TARBP1: variants seen among roughly 807,000 people sequenced by gnomAD.
The protein encoded by TARBP1 is tRNA guanosine 2 -O-methyltransferase TARBP1.
Under a neutral mutation model 178.6 loss-of-function variants are expected in TARBP1, and 144 were observed. The ratio of observed to expected loss-of-function variants is 0.81; its 90% CI spans 0.70 to 0.93. The LOEUF is 0.93. Among genes scored for constraint, TARBP1 ranks in the 40% least tolerant of loss-of-function variants. The probability of loss-of-function intolerance (pLI) is 0.00; values close to 1 mark genes in which losing one functional copy is unlikely to be tolerated. For synonymous variants in TARBP1, 787 were observed against 781.0 expected, an observed-to-expected ratio of 1.01 and a Z score of -0.13; for missense variants, 2,067 against 2,011.7, an observed-to-expected ratio of 1.03 and a Z score of -0.53.
rs12081238 is a variant in TARBP1, at chr1:234,479,125, G to T, written c.-22C>A. Reference sequence around the variant, plus strand: ...CCATTTGCCGAGCGCCCGCGCCACCGGCCCGGGCTCCCAAAGGAAGGCGCC... The same window carrying T: ...CCATTTGCCGAGCGCCCGCGCCACCTGCCCGGGCTCCCAAAGGAAGGCGCC... On this transcript the variant is annotated 5_prime_UTR_variant, in exon 1 of 30. Coordinates refer to ENST00000040877, the MANE Select transcript of TARBP1 (RefSeq NM_005646.4). 5.9e-6 allele frequency: 9 copies of T among 1,512,902 alleles called. No individual in the cohort carries two copies. Among genetic ancestry groups the T allele is most frequent in the African/African-American group, 1.4e-5 (1 of 69,102 alleles). 93.7% of individuals were successfully genotyped at this position (1,512,902 alleles called of 1,614,324 possible).
chr1:234,475,582 C>T (rs1669496304), intron 1 of TARBP1, among the ~76,000 whole-genome samples: 3 of 152,224 alleles, frequency 2.0e-5, no homozygotes, highest in African/African-American at 4.8e-5. Context: ...GGAACCTAAA[C>T]GCACCCCTAA....
At chr1:234,449,558 A>T (rs1237358209) in intron 10 of TARBP1, among the ~76,000 whole-genome samples, 2 of 152,208 alleles carry the variant, frequency 1.3e-5, no homozygotes, top group African/African-American at 2.4e-5. Context: ...TATTTACTTC[A>T]AATAATCTTC....
In TARBP1 at chr1:234,427,569, C is replaced by T. The variant is rs1663921095; in HGVS notation, c.3251+7G>A. On this transcript the variant is annotated splice_region_variant and intron_variant, in intron 18 of 29. Transcript: ENST00000040877. The stretch of plus-strand genomic sequence containing the variant: ...TTATGACCAGTTGAAATAATAGCAT[C>T]TTTTACCTTTGATCACGCCTAAACA... 6.3e-7 allele frequency: 1 copy of T among 1,592,130 alleles called. No homozygotes were observed. Among genetic ancestry groups the T allele is most frequent in the Non-Finnish European group, 8.5e-7 (1 of 1,173,484 alleles).
intron 9 of TARBP1, 24 bp from the exon 10 acceptor site, chr1:234,450,590 T>C: frequency 6.3e-7 from 1 of 1,599,624 alleles, no homozygotes; most frequent in Non-Finnish European, 8.5e-7. Flanking sequence ...CAGTTATTAC[T>C]TTATTTTAAA....
At chr1:234,435,697 C>T (rs894071375) in intron 13 of TARBP1, among the ~76,000 whole-genome samples, 1 of 152,136 alleles carries the variant, frequency 6.6e-6, no homozygotes, top group African/African-American at 2.4e-5. Flanking sequence ...GAGCATATAG[C>T]GTAAGTCCAT....
chr1:234,478,720 C>T lies in TARBP1; in HGVS notation c.384G>A (p.Leu128=). 1.7e-6 allele frequency: 2 copies of T among 1,200,344 alleles called. No homozygotes were observed. Among genetic ancestry groups the T allele is most frequent in the Non-Finnish European group, 2.1e-6 (2 of 968,230 alleles). The allele number at this position is 1,200,344 out of a possible 1,614,324, so 74.4% of individuals were successfully genotyped here. ...AALAEEALRD[L]LAGWRAPGAE... is the part of the protein sequence containing the mutation. ...CGCCAGGCGCGCGCCACCCGGCGAG[C>T]AGATCGCGCAGCGCCTCCTCAGCCA... Residue 128 remains leucine, a synonymous_variant, in exon 1 of 30, where the codon CTG becomes CTA. Transcript: ENST00000040877.
At chr1:234,402,583 G>GT (rs371063563) in intron 24 of TARBP1, among the ~76,000 whole-genome samples, 2,550 of 147,310 alleles carry the variant, frequency 0.017, 85 homozygotes, top group African/African-American at 0.059. Flanking sequence ...TTGTTTGTTT[G>GT]TTTTTTTTTT....
intron 20 of TARBP1, 111 bp downstream of exon 20, chr1:234,425,561 GT>G: frequency 8.6e-7 from 1 of 1,160,426 alleles, no homozygotes; most frequent in Non-Finnish European, 1.2e-6. Context: ...CATAAACTTT[GT>G]GTTTTCTCCT....
chr1:234,404,193 G>A (rs558824056), intron 24 of TARBP1, among the ~76,000 whole-genome samples: 1 of 152,064 alleles, frequency 6.6e-6, no homozygotes, highest in Non-Finnish European at 1.5e-5. Context: ...ACTCACCATC[G>A]AATCACAGAG....
chr1:234,439,041 G>A (rs1167688970), intron 12 of TARBP1, among the ~76,000 whole-genome samples: 4 of 152,186 alleles, frequency 2.6e-5, no homozygotes, highest in Non-Finnish European at 1.5e-5. Context: ...CTTCAGAAAT[G>A]AAGGTGAAAT....
At chr1:234,430,415 C>T (rs1558195538) in intron 14 of TARBP1, 114 bp from the exon 15 acceptor site, 7 of 836,648 alleles carry the variant, frequency 8.4e-6, no homozygotes, top group Non-Finnish European at 1.3e-5. Flanking sequence ...TTCCTGCCTG[C>T]TCCTGAATAT....
intron 24 of TARBP1, among the ~76,000 whole-genome samples, chr1:234,402,935 G>A (rs184763672): frequency 1.6e-4 from 25 of 152,000 alleles, no homozygotes; most frequent in Non-Finnish European, 2.8e-4. Flanking sequence ...TTATGCTATC[G>A]AATGGCTCTT....
Position 234,398,566 on chromosome 1 carries a change from T to C in TARBP1, c.4072-13A>G, listed in dbSNP as rs778077275. 3 of 1,525,536 alleles carry C rather than the reference T, an allele frequency of 2.0e-6. No homozygotes were observed. Among genetic ancestry groups the C allele is most frequent in the Admixed American group, 4.0e-5 (2 of 49,550 alleles). 94.5% of individuals were successfully genotyped at this position (1,525,536 alleles called of 1,614,324 possible). A position where few individuals can be genotyped will look rare whatever the true frequency, so the allele number is the denominator to read the frequency against. On this transcript the variant is annotated splice_polypyrimidine_tract_variant and intron_variant, in intron 25 of 29. Transcript: ENST00000040877. ...TGTAAAATATGGTCTGAAAAGAGAA[T>C]TATAAAATCTAAATTTCTTCCCTTA...
chr1:234,419,652 T>C (rs1662864672), intron 21 of TARBP1, among the ~76,000 whole-genome samples: 1 of 152,114 alleles, frequency 6.6e-6, no homozygotes, highest in Non-Finnish European at 1.5e-5. Context: ...AAGAAAAAAA[T>C]GCTCTCGGTA....
chr1:234,442,561 AAAAAATT>A (rs1431152185), intron 12 of TARBP1, among the ~76,000 whole-genome samples: 2 of 152,206 alleles, frequency 1.3e-5, no homozygotes, highest in African/African-American at 4.8e-5. Context: ...AGCCTTTATT[AAAAAATT>A]AAAAACTATA....
Position 234,430,119 on chromosome 1 carries a change from C to T in TARBP1, c.2577G>A (p.Gln859=), listed in dbSNP as rs750741718. The T allele has an allele frequency of 1.3e-5, 21 of 1,614,016 alleles. No homozygotes were observed. Among genetic ancestry groups the T allele is most frequent in the Non-Finnish European group, 1.4e-5 (17 of 1,179,994 alleles). Residue 859 remains glutamine, a synonymous_variant, in exon 15 of 30, where the codon CAG becomes CAA. Transcript: ENST00000040877. ...QTLQKPHAEE[Q]SSYAHPLECS... ...ACTCCAAGGGGTGAGCATAACTGCT[C>T]TGCTCCTCTGCGTGGGGCTTCTGCA...
At chr1:234,469,060 CTTTTTTTTTTTTTT>C (rs765324709) in intron 3 of TARBP1, among the ~76,000 whole-genome samples, 2 of 68,582 alleles carry the variant, frequency 2.9e-5, no homozygotes, top group East Asian at 3.7e-4. Context: ...CGGTTTTTGC[CTTTTTTTTTTTTTT>C]TTTAAAAAAA....
At chr1:234,409,974 T>C (rs960809342) in intron 23 of TARBP1, among the ~76,000 whole-genome samples, 16 of 152,154 alleles carry the variant, frequency 1.1e-4, no homozygotes, top group Non-Finnish European at 2.2e-4. Context: ...CTGAGGAACA[T>C]GAAGTAACTG....
chr1:234,403,963 T>TAAA (rs1389112054), intron 24 of TARBP1, among the ~76,000 whole-genome samples: 2 of 152,180 alleles, frequency 1.3e-5, no homozygotes, highest in Non-Finnish European at 2.9e-5. Context: ...GCTGGGATTA[T>TAAA]AGGCATGAGC....
Sources: allele counts gnomAD v4.1 joint callset (sites outside exome capture counted in the v4.1 genomes callset), GRCh38; gene constraint gnomAD v4.1.1; transcripts MANE v1.5; gene names NCBI Gene and HGNC (gene_info 2026-07-23, HGNC 2026-07-21).